The following CLASP1 variants were observed in gnomAD, a reference collection of about 807,000 sequenced individuals.
The protein encoded by CLASP1 is cytoplasmic linker associated protein 1, also known as CLIP-associating protein 1.
A neutral mutation model predicts 192.3 loss-of-function variants in CLASP1; 38 were observed. That is an observed-to-expected ratio of 0.20 (90% CI 0.15 to 0.26). The LOEUF is 0.26. Ranked by LOEUF, CLASP1 falls within the 10% of genes least tolerant of loss-of-function variation. CLASP1 has a pLI of 1.00. For synonymous variants in CLASP1, 691 were observed against 712.8 expected (o/e 0.97, Z 0.49); for missense variants, 1,433 against 1,932.5 (o/e 0.74, Z 4.85).
intron 19 of CLASP1, 76 bp from the exon 20 acceptor site, chr2:121,430,253 C>T: frequency 8.6e-7 from 1 of 1,161,764 alleles, no homozygotes; most frequent in Non-Finnish European, 1.2e-6. Context: ...AAGCCATGCC[C>T]CAAAAGAGGG....
intron 33 of CLASP1, among the ~76,000 whole-genome samples, chr2:121,379,589 C>T (rs1280297710): frequency 6.6e-6 from 1 of 151,928 alleles, no homozygotes; most frequent in East Asian, 1.9e-4. Context: ...TAAAAAAATG[C>T]CTTAAAATAC....
intron 2 of CLASP1, among the ~76,000 whole-genome samples, chr2:121,579,034 A>C (rs943634048): frequency 5.3e-5 from 8 of 152,242 alleles, no homozygotes; most frequent in African/African-American, 1.9e-4. Context: ...TCCTTAATAC[A>C]GCCCCATAAT....
At chr2:121,598,381 G>A (rs999055410) in intron 2 of CLASP1, among the ~76,000 whole-genome samples, 28 of 152,166 alleles carry the variant, frequency 1.8e-4, no homozygotes, top group African/African-American at 6.3e-4. Flanking sequence ...TATCACATAA[G>A]GTAGTCAAGT....
chr2:121,470,968 C>A (rs991420383), intron 8 of CLASP1, among the ~76,000 whole-genome samples: 7 of 152,100 alleles, frequency 4.6e-5, no homozygotes, highest in African/African-American at 1.7e-4. Context: ...TTCTAAACAG[C>A]AGTGGATCCA....
exon 35 of CLASP1, chr2:121,367,813 C>T (rs778562546): frequency 1.6e-5 from 26 of 1,613,146 alleles, no homozygotes; most frequent in Middle Eastern, 1.6e-4. Flanking sequence ...GGGGAGGCAG[C>T]GCCCCCATCG....
At chr2:121,544,907 C>CTTTTTTTTT (rs3078562) in intron 2 of CLASP1, among the ~76,000 whole-genome samples, 68 of 122,846 alleles carry the variant, frequency 5.5e-4, no homozygotes, top group Non-Finnish European at 8.1e-4. Context: ...CTTTTCTTTT[C>CTTTTTTTTT]TTTTTTTTTT....
intron 19 of CLASP1, among the ~76,000 whole-genome samples, chr2:121,436,807 A>T (rs2082385818): frequency 6.6e-6 from 1 of 152,004 alleles, no homozygotes; most frequent in South Asian, 2.1e-4. Context: ...CTCCCATTAG[A>T]CATGTTAAAT....
Position 121,455,421 on chromosome 2 carries a change from G to A in CLASP1, c.1385+2266C>T, listed in dbSNP as rs4355118. 2.9e-3 allele frequency among the ~76,000 whole-genome samples: 436 copies of A among 152,300 alleles called. 1 individual carries two copies. The highest frequency in any genetic ancestry group is 5.4e-3 in the Admixed American group (83 of 15,302). The stretch of plus-strand genomic sequence containing the variant: ...AACCTAAGTATCCATCAACAGATGA[G>A]GAGATAAAGATAATGTAGCATATAT... On this transcript the variant is annotated intron_variant, in intron 14 of 39. Coordinates refer to ENST00000263710, the Ensembl canonical transcript of CLASP1.
At chr2:121,413,558 G>A (rs2078074644) in intron 23 of CLASP1, among the ~76,000 whole-genome samples, 1 of 152,200 alleles carries the variant, frequency 6.6e-6, no homozygotes, top group African/African-American at 2.4e-5. Context: ...GAGCAGGTTT[G>A]GGGTTTGCAG....
intron 6 of CLASP1, among the ~76,000 whole-genome samples, chr2:121,519,717 C>T (rs780567744): frequency 6.6e-6 from 1 of 152,144 alleles, no homozygotes; most frequent in Non-Finnish European, 1.5e-5. Flanking sequence ...TTAAAATAAT[C>T]GTTCCTTAGA....
At chr2:121,492,296 G>A (rs1405473530) in intron 8 of CLASP1, among the ~76,000 whole-genome samples, 1 of 148,418 alleles carries the variant, frequency 6.7e-6, no homozygotes, top group Admixed American at 6.8e-5. Flanking sequence ...GGCTGAGGCA[G>A]TAGAATGGTG....
chr2:121,344,569 G>A (rs536032567), intron 39 of CLASP1, among the ~76,000 whole-genome samples: 172 of 152,116 alleles, frequency 1.1e-3, no homozygotes, highest in Non-Finnish European at 2.1e-3. Context: ...GACCTCAGAT[G>A]ATCCGCCCGC....
chr2:121,396,743 A>G (rs2075341527), intron 30 of CLASP1, among the ~76,000 whole-genome samples: 1 of 152,208 alleles, frequency 6.6e-6, no homozygotes, highest in African/African-American at 2.4e-5. Flanking sequence ...TTTTTTAAGC[A>G]TCTATTACGT....
chr2:121,640,122 A>C (rs532458414), intron 1 of CLASP1, among the ~76,000 whole-genome samples: 13 of 152,212 alleles, frequency 8.5e-5, no homozygotes, highest in Admixed American at 4.6e-4. Flanking sequence ...TCGCAAGGAC[A>C]AAAAACCAAA....
exon 36 of CLASP1, chr2:121,365,192 C>T (rs749602220): frequency 1.2e-6 from 2 of 1,613,706 alleles, no homozygotes; most frequent in Non-Finnish European, 1.7e-6. Context: ...TTGAGCAGCT[C>T]CAGCAGGGCT....
intron 6 of CLASP1, among the ~76,000 whole-genome samples, chr2:121,517,992 A>AAGTTCAAGTTCAGGCG (rs1165562959): frequency 3.4e-5 from 5 of 146,776 alleles, no homozygotes; most frequent in African/African-American, 7.6e-5. Context: ...GAGTTCAGGC[A>AAGTTCAAGTTCAGGCG]AGTTCAAGTT....
intron 1 of CLASP1, among the ~76,000 whole-genome samples, chr2:121,606,678 G>A (rs2064459140): frequency 1.3e-5 from 2 of 152,084 alleles, no homozygotes; most frequent in African/African-American, 4.8e-5. Context: ...CAAAGTCAAG[G>A]GCAGCACCTA....
At chr2:121,419,019 C>T (rs2079059838) in intron 22 of CLASP1, among the ~76,000 whole-genome samples, 1 of 152,124 alleles carries the variant, frequency 6.6e-6, no homozygotes, top group Non-Finnish European at 1.5e-5. Flanking sequence ...TTCTGAACAA[C>T]AAACTGTCAT....
chr2:121,634,644 A>T (rs2070450704), intron 1 of CLASP1, among the ~76,000 whole-genome samples: 1 of 152,234 alleles, frequency 6.6e-6, no homozygotes, highest in Non-Finnish European at 1.5e-5. Flanking sequence ...AAAGAAAGAC[A>T]GAATGGCAAG....
Sources: gnomAD v4.1 joint callset for allele counts (sites outside exome capture counted in the v4.1 genomes callset) on GRCh38, gnomAD v4.1.1 for gene constraint, MANE v1.5 for transcripts, NCBI Gene and HGNC (gene_info 2026-07-23, HGNC 2026-07-21) for gene names.